The following SULT4A1 variants were observed in gnomAD, a reference collection of about 807,000 sequenced individuals.
SULT4A1 encodes sulfotransferase family 4A member 1.
Under a neutral mutation model 35.2 loss-of-function variants are expected in SULT4A1, and 11 were observed. The observed-to-expected ratio is 0.31, with a 90% confidence interval of 0.20 to 0.52. SULT4A1 has a LOEUF of 0.52. SULT4A1 is among the 20% of genes least tolerant of loss of function. SULT4A1 has a pLI of 0.97. For missense variants in SULT4A1, 271 were observed against 383.7 expected (o/e 0.71, Z 2.45); for synonymous variants, 152 against 151.8 (o/e 1.00, Z -0.01).
At chr22:43,853,690 C>T (rs888002277) in intron 1 of SULT4A1, among the ~76,000 whole-genome samples, 8 of 152,328 alleles carry the variant, frequency 5.3e-5, no homozygotes, top group East Asian at 1.9e-4. Flanking sequence ...TGAAAGTCAC[C>T]GCTCCTCTGG....
rs1003916392 is a variant in SULT4A1 at position 43,858,392 on chromosome 22, C to G, written c.169+3822G>C. Reference sequence around the variant, plus strand: ...GAGTGATGGGGAGAAACGTGACCCCCGCAGACCCAGGACACTTGCTTTGGC... The same window carrying G: ...GAGTGATGGGGAGAAACGTGACCCCGGCAGACCCAGGACACTTGCTTTGGC... On this transcript the variant is annotated intron_variant, in intron 1 of 6. Transcript: ENST00000330884. Among the ~76,000 whole-genome samples the G allele has an allele frequency of 2.6e-5, 4 of 152,300 alleles. No individual in the cohort carries two copies. The East Asian group carries it at 7.7e-4, about 29-fold the overall frequency.
chr22:43,826,941 C>A (rs532171991), intron 6 of SULT4A1: 1 of 985,442 alleles, frequency 1.0e-6, no homozygotes, highest in African/African-American at 1.7e-5. Context: ...ACTGCAGGCA[C>A]CGGTCTACGC....
At chr22:43,846,300 G>A (rs2063476613) in intron 1 of SULT4A1, among the ~76,000 whole-genome samples, 3 of 152,170 alleles carry the variant, frequency 2.0e-5, no homozygotes, top group Admixed American at 1.3e-4. Context: ...CCCGTCCCTC[G>A]CCCTGTCATG....
intron 1 of SULT4A1, among the ~76,000 whole-genome samples, chr22:43,857,604 T>C (rs1423924388): frequency 6.6e-6 from 1 of 152,028 alleles, no homozygotes; most frequent in African/African-American, 2.4e-5. Flanking sequence ...GAATCCCAAG[T>C]AGAATAATTA....
intron 4 of SULT4A1, among the ~76,000 whole-genome samples, 164 bp downstream of exon 4, chr22:43,838,703 G>A (rs561262034): frequency 1.3e-5 from 2 of 152,302 alleles, no homozygotes; most frequent in East Asian, 3.9e-4. Context: ...CCACGTTCAC[G>A]ACCCTCGGCC....
intron 6 of SULT4A1, among the ~76,000 whole-genome samples, chr22:43,828,048 G>A (rs1215891904): frequency 5.3e-5 from 8 of 152,162 alleles, no homozygotes; most frequent in South Asian, 2.1e-4. Context: ...ACAAAAAGCC[G>A]CAGAAGCTGA....
intron 4 of SULT4A1, among the ~76,000 whole-genome samples, chr22:43,835,746 T>A (rs2063365808): frequency 6.6e-6 from 1 of 152,148 alleles, no homozygotes. Flanking sequence ...CAAGGAAGCA[T>A]GTAGCAAGAT....
chr22:43,854,520 C>G (rs2049379717), intron 1 of SULT4A1, among the ~76,000 whole-genome samples: 1 of 152,222 alleles, frequency 6.6e-6, no homozygotes, highest in East Asian at 1.9e-4. Flanking sequence ...TCCCCTCCTC[C>G]AGCAGAGCCT....
intron 4 of SULT4A1, among the ~76,000 whole-genome samples, chr22:43,837,553 G>A (rs760076395): frequency 2.0e-5 from 3 of 152,178 alleles, no homozygotes; most frequent in Non-Finnish European, 4.4e-5. Context: ...CCCAGAGCAG[G>A]CTCAGGGGGC....
chr22:43,830,774 A>G (rs2063319703), intron 5 of SULT4A1, among the ~76,000 whole-genome samples: 1 of 152,180 alleles, frequency 6.6e-6, no homozygotes, highest in East Asian at 1.9e-4. Context: ...ATTGCGGTGC[A>G]GTGGAGCGCA....
At chr22:43,859,646 T>G (rs1421132722) in intron 1 of SULT4A1, among the ~76,000 whole-genome samples, 1 of 152,188 alleles carries the variant, frequency 6.6e-6, no homozygotes, top group Non-Finnish European at 1.5e-5. Context: ...AGGAACAAAG[T>G]CGGTCATCAA....
At chr22:43,853,089 CCAAA>C (rs1317607148) in intron 1 of SULT4A1, among the ~76,000 whole-genome samples, 2 of 151,900 alleles carry the variant, frequency 1.3e-5, no homozygotes, top group African/African-American at 2.4e-5. Context: ...ACACACTCCT[CCAAA>C]CACAGCACGC....
At chr22:43,837,580 G>A (rs1201746740) in intron 4 of SULT4A1, among the ~76,000 whole-genome samples, 1 of 152,148 alleles carries the variant, frequency 6.6e-6, no homozygotes, top group African/African-American at 2.4e-5. Flanking sequence ...GTGCGGTCTG[G>A]GGCCTCCTAC....
chr22:43,830,769 G>A (rs751208871), intron 5 of SULT4A1, among the ~76,000 whole-genome samples: 1 of 152,172 alleles, frequency 6.6e-6, no homozygotes, highest in Non-Finnish European at 1.5e-5. Flanking sequence ...CTGTAATTGC[G>A]GTGCAGTGGA....
intron 5 of SULT4A1, among the ~76,000 whole-genome samples, chr22:43,829,738 T>C (rs902284828): frequency 2.0e-5 from 3 of 152,208 alleles, no homozygotes; most frequent in Non-Finnish European, 4.4e-5. Flanking sequence ...CTGATGTGGC[T>C]AACCGTCTTG....
At chr22:43,853,472 C>A (rs1017632556) in intron 1 of SULT4A1, among the ~76,000 whole-genome samples, 1 of 152,230 alleles carries the variant, frequency 6.6e-6, no homozygotes, top group Non-Finnish European at 1.5e-5. Context: ...CTGCTGGATG[C>A]AGAGCGGAAA....
Position 43,825,835 on chromosome 22 carries a change from G to A in SULT4A1, c.*166C>T, listed in dbSNP as rs939594183. 2.2e-5 allele frequency: 14 copies of A among 643,082 alleles called. No homozygotes were observed. Among genetic ancestry groups the A allele is most frequent in the African/African-American group, 1.1e-4 (6 of 53,426 alleles). The allele number at this position is 643,082 out of a possible 1,614,324, so 39.8% of individuals were successfully genotyped here. On this transcript the variant is annotated 3_prime_UTR_variant, in exon 7 of 7. Coordinates refer to ENST00000330884, the MANE Select transcript of SULT4A1 (RefSeq NM_014351.4). ...TTCTAAAGGCGAGACAGCTGCTTTC[G>A]GTTGGGAATCATCACACTCCCTCCG...
At chr22:43,835,097 T>G (rs1340725432) in intron 4 of SULT4A1, among the ~76,000 whole-genome samples, 40 of 89,618 alleles carry the variant, frequency 4.5e-4, no homozygotes, top group South Asian at 8.1e-4. Flanking sequence ...CCCCCACCGC[T>G]GCCCTGAGCT....
chr22:43,833,505 G>C, intron 5 of SULT4A1, 135 bp downstream of exon 5: 1 of 351,764 alleles, frequency 2.8e-6, no homozygotes, highest in Non-Finnish European at 5.0e-6. Flanking sequence ...CCCACAGACT[G>C]TCCCGCCCCC....
Sources: allele counts gnomAD v4.1 joint callset (sites outside exome capture counted in the v4.1 genomes callset), GRCh38; gene constraint gnomAD v4.1.1; transcripts MANE v1.5; gene names NCBI Gene and HGNC (gene_info 2026-07-23, HGNC 2026-07-21).